Variants in SVIL observed in about 807,000 individuals in gnomAD.
The protein encoded by SVIL is archvillin.
Under a neutral mutation model 240.4 loss-of-function variants are expected in SVIL, and 101 were observed. The ratio of observed to expected loss-of-function variants is 0.42; its 90% confidence interval spans 0.36 to 0.50. The LOEUF is 0.50. Among genes scored for constraint, SVIL ranks in the 20% least tolerant of loss-of-function variants. SVIL has a pLI of 0.01. For missense variants in SVIL, 2,512 were observed against 2,818.7 expected (o/e 0.89, Z 2.46); for synonymous variants, 999 against 1,100.0 (o/e 0.91, Z 1.82).
chr10:29,467,470 G>A (rs1945057166), intron 33 of SVIL, among the ~76,000 whole-genome samples: 1 of 151,892 alleles, frequency 6.6e-6, no homozygotes, highest in African/African-American at 2.4e-5. Context: ...ACTCACCCCT[G>A]GGAAGAAAAA....
At chr10:29,609,898 C>A (rs1957175296) in intron 1 of SVIL, among the ~76,000 whole-genome samples, 1 of 152,222 alleles carries the variant, frequency 6.6e-6, no homozygotes, top group African/African-American at 2.4e-5. Flanking sequence ...TCTTACTGGG[C>A]TGAGTGGACA....
rs558633794 is a variant in SVIL, at chr10:29,592,553, T to C, written c.-200-23241A>G. ...CCAGTTAACAGTGAGACCTCCGTAA[T>C]GGAGGTTTCAATGTCAAGGTGTCCA... is the stretch of plus-strand genomic sequence containing the variant. On this transcript the variant is annotated intron_variant, in intron 1 of 37. Transcript: ENST00000355867. 3.3e-5 allele frequency among the ~76,000 whole-genome samples: 5 copies of C among 152,278 alleles called. No individual in the cohort carries two copies. The East Asian group carries it at 5.8e-4, about 18-fold the overall frequency.
At chr10:29,625,548 C>T (rs944791546) in intron 1 of SVIL, among the ~76,000 whole-genome samples, 3 of 152,194 alleles carry the variant, frequency 2.0e-5, no homozygotes, top group Non-Finnish European at 2.9e-5. Flanking sequence ...ACTGCAAGCT[C>T]TGCCTCCTGG....
intron 11 of SVIL, 129 bp from the exon 12 acceptor site, chr10:29,529,973 C>T (rs1951241439): frequency 5.4e-6 from 5 of 926,498 alleles, no homozygotes; most frequent in Non-Finnish European, 7.7e-6. Flanking sequence ...GAGTTCAAGA[C>T]CAGCCTGGGC....
intron 1 of SVIL, among the ~76,000 whole-genome samples, chr10:29,581,380 T>G (rs1329690823): frequency 1.3e-5 from 2 of 152,328 alleles, no homozygotes; most frequent in South Asian, 4.1e-4. Context: ...CTGCGTGCAC[T>G]GTGAGATGCT....
At chr10:29,698,653 AT>A (rs3839907) in intron 1 of SVIL, among the ~76,000 whole-genome samples, 11 of 151,888 alleles carry the variant, frequency 7.2e-5, no homozygotes, top group South Asian at 2.1e-4. Context: ...TCTAAAAAAA[AT>A]AAAAATAAAA....
At chr10:29,692,123 T>C (rs1286291326) in intron 1 of SVIL, among the ~76,000 whole-genome samples, 1 of 152,146 alleles carries the variant, frequency 6.6e-6, no homozygotes, top group Non-Finnish European at 1.5e-5. Context: ...CTTCGTCAAA[T>C]CATAGAAAAC....
At chr10:29,606,429 C>T (rs1174742915) in intron 1 of SVIL, among the ~76,000 whole-genome samples, 1 of 152,190 alleles carries the variant, frequency 6.6e-6, no homozygotes, top group East Asian at 1.9e-4. Flanking sequence ...CACCTAAATT[C>T]AACTGCTATC....
intron 1 of SVIL, among the ~76,000 whole-genome samples, chr10:29,605,209 T>G (rs1040520640): frequency 6.6e-6 from 1 of 152,180 alleles, no homozygotes; most frequent in African/African-American, 2.4e-5. Flanking sequence ...GTACGCAGGG[T>G]CTGTGATTTA....
intron 3 of SVIL, among the ~76,000 whole-genome samples, chr10:29,651,895 G>C (rs371402842): frequency 9.2e-5 from 14 of 152,138 alleles, no homozygotes; most frequent in African/African-American, 2.9e-4. Context: ...CTCCTTCTGA[G>C]AAATTGCTCA....
At chr10:29,665,119 CA>C (rs1000259445) in intron 2 of SVIL, among the ~76,000 whole-genome samples, 14 of 148,722 alleles carry the variant, frequency 9.4e-5, no homozygotes, top group Admixed American at 4.1e-4. Context: ...GCCAGCTACT[CA>C]GGAGGCTGAG....
At chr10:29,591,067 G>T (rs1192435156) in intron 1 of SVIL, among the ~76,000 whole-genome samples, 1 of 152,304 alleles carries the variant, frequency 6.6e-6, no homozygotes, top group East Asian at 1.9e-4. Flanking sequence ...CGGTTCTGGG[G>T]CTGTGGATAC....
At chr10:29,524,811 T>C in intron 13 of SVIL, 96 bp from the exon 14 acceptor site, 1 of 1,557,816 alleles carries the variant, frequency 6.4e-7, no homozygotes, top group South Asian at 1.2e-5. Context: ...CACATCATTT[T>C]GCAAAGGGCT....
At chr10:29,577,298 T>C (rs1955743611) in intron 1 of SVIL, among the ~76,000 whole-genome samples, 1 of 152,188 alleles carries the variant, frequency 6.6e-6, no homozygotes, top group Admixed American at 6.5e-5. Context: ...CAGTGTACAG[T>C]GTACCTAATA....
intron 6 of SVIL, among the ~76,000 whole-genome samples, chr10:29,548,554 CTCTTA>C (rs1952910299): frequency 6.6e-6 from 1 of 152,184 alleles, no homozygotes; most frequent in Admixed American, 6.5e-5. Context: ...ATGGCAGCTG[CTCTTA>C]TCTTGAGTGG....
chr10:29,529,429 T>C (rs1951193867), intron 12 of SVIL, among the ~76,000 whole-genome samples: 1 of 152,120 alleles, frequency 6.6e-6, no homozygotes, highest in Non-Finnish European at 1.5e-5. Flanking sequence ...AAGTTTCATG[T>C]TTCTATTTTC....
intron 16 of SVIL, among the ~76,000 whole-genome samples, chr10:29,521,268 A>T (rs993494712): frequency 1.3e-5 from 2 of 151,554 alleles, no homozygotes; most frequent in Admixed American, 1.3e-4. Context: ...AGAAAGAAAG[A>T]AGACTTTTCA....
At chr10:29,610,363 A>G (rs1225861567) in intron 1 of SVIL, among the ~76,000 whole-genome samples, 3 of 151,714 alleles carry the variant, frequency 2.0e-5, no homozygotes, top group African/African-American at 7.3e-5. Flanking sequence ...CCAGACTCCC[A>G]AGGTTTGCCA....
chr10:29,587,115 G>A (rs1341296659), intron 1 of SVIL, among the ~76,000 whole-genome samples: 3 of 152,214 alleles, frequency 2.0e-5, no homozygotes, highest in African/African-American at 7.2e-5. Context: ...GAACACACAA[G>A]CTACGCAGTG....
Sources: allele counts gnomAD v4.1 joint callset (sites outside exome capture counted in the v4.1 genomes callset), GRCh38; gene constraint gnomAD v4.1.1; transcripts MANE v1.5; gene names NCBI Gene and HGNC (gene_info 2026-07-23, HGNC 2026-07-21).